Variants in NPSR1 observed in about 807,000 individuals in gnomAD.
NPSR1 encodes the protein neuropeptide S receptor 1.
In NPSR1, 48 loss-of-function variants were observed where a neutral mutation model predicts 46.9. That is an observed-to-expected ratio of 1.02 (90% CI 0.81 to 1.30). The LOEUF is 1.30. NPSR1 is among the 50% of genes most tolerant of loss of function. The pLI is 0.00. For missense variants in NPSR1, 450 were observed against 449.5 expected, an observed-to-expected ratio of 1.00 and a Z score of -0.01; for synonymous variants, 176 against 168.1, an observed-to-expected ratio of 1.05 and a Z score of -0.36.
chr7:34,709,692 A>C, intron 2 of NPSR1, among the ~76,000 whole-genome samples: 1 of 152,156 alleles, frequency 6.6e-6, no homozygotes, highest in East Asian at 1.9e-4. Flanking sequence ...GCCTAACCTC[A>C]CTATAAGACA....
chr7:34,777,427 A>G (rs1383681800), intron 2 of NPSR1, among the ~76,000 whole-genome samples: 1 of 151,182 alleles, frequency 6.6e-6, no homozygotes. Context: ...AATGCTCTCC[A>G]CACCCTGCTG....
At chr7:34,751,442 C>T in intron 2 of NPSR1, 1 of 1,095,014 alleles carries the variant, frequency 9.1e-7, no homozygotes. Context: ...TGTTTGCCAT[C>T]CAACAGTTCC....
At chr7:34,704,779 C>A (rs563342665) in intron 2 of NPSR1, among the ~76,000 whole-genome samples, 1 of 152,306 alleles carries the variant, frequency 6.6e-6, no homozygotes, top group East Asian at 1.9e-4. Context: ...AGCACAGCAT[C>A]TTATCGGATT....
chr7:34,717,660 C>G (rs1029610010), intron 2 of NPSR1, among the ~76,000 whole-genome samples: 9 of 152,110 alleles, frequency 5.9e-5, no homozygotes, highest in African/African-American at 2.2e-4. Context: ...TGTCCAAGCT[C>G]AAAATGAAGC....
intron 2 of NPSR1, among the ~76,000 whole-genome samples, chr7:34,738,204 A>G (rs1784773316): frequency 6.6e-6 from 1 of 152,244 alleles, no homozygotes; most frequent in Admixed American, 6.5e-5. Flanking sequence ...TAGTATCTTC[A>G]TAAAATCAAT....
intron 2 of NPSR1, among the ~76,000 whole-genome samples, chr7:34,755,829 A>T (rs1785807290): frequency 1.3e-5 from 2 of 152,146 alleles, no homozygotes; most frequent in South Asian, 4.1e-4. Flanking sequence ...CTGAATGCTC[A>T]TTGAGCCACC....
chr7:34,872,196 C>A (rs1424734425), intron 8 of NPSR1, among the ~76,000 whole-genome samples: 3 of 151,972 alleles, frequency 2.0e-5, no homozygotes, highest in Non-Finnish European at 4.4e-5. Flanking sequence ...TGGCTTGCAC[C>A]CTCTAGAGCT....
intron 2 of NPSR1, chr7:34,750,907 C>T (rs1407024109): frequency 1.2e-5 from 9 of 729,300 alleles, no homozygotes; most frequent in Non-Finnish European, 2.3e-5. Context: ...TGAAAAGGCA[C>T]TTCCTCCACC....
At position 34,792,665 on chromosome 7, in the gene NPSR1, T is replaced by G. The variant is rs185949362; in HGVS notation, c.384+14100T>G. ...TGTATATATATATGTATATATATAT[T>G]TATATATATGTATATATATATATGT... On this transcript the variant is annotated intron_variant, in intron 3 of 8. Coordinates refer to ENST00000360581, the MANE Select transcript of NPSR1 (RefSeq NM_207172.2). 3.3e-3 allele frequency among the ~76,000 whole-genome samples: 263 copies of G among 78,782 alleles called. 10 individuals are homozygous for G. The highest frequency in any genetic ancestry group is 0.02 in the South Asian group (59 of 2,936). The allele number at this position is 78,782 out of a possible 152,430, so 51.7% of individuals were successfully genotyped here.
At chr7:34,811,470 G>A (rs1057419467) in intron 3 of NPSR1, among the ~76,000 whole-genome samples, 3 of 152,086 alleles carry the variant, frequency 2.0e-5, no homozygotes, top group African/African-American at 4.8e-5. Context: ...TACAGGATAG[G>A]GGCATGTAGC....
At chr7:34,763,259 C>A (rs1477650619) in intron 2 of NPSR1, among the ~76,000 whole-genome samples, 1 of 152,188 alleles carries the variant, frequency 6.6e-6, no homozygotes, top group Non-Finnish European at 1.5e-5. Context: ...ACTTTTCCTT[C>A]CAGCATCTTT....
chr7:34,875,115 T>G (rs1425334509), intron 8 of NPSR1, among the ~76,000 whole-genome samples: 1 of 152,180 alleles, frequency 6.6e-6, no homozygotes, highest in Non-Finnish European at 1.5e-5. Context: ...GTAGACACTC[T>G]TTGCATATTT....
At chr7:34,679,522 G>A (rs925758712) in intron 1 of NPSR1, among the ~76,000 whole-genome samples, 8 of 152,108 alleles carry the variant, frequency 5.3e-5, no homozygotes, top group East Asian at 1.9e-4. Context: ...ATAAGTTCTC[G>A]GAAACTGTGA....
At chr7:34,707,844 A>T (rs373505230) in intron 2 of NPSR1, among the ~76,000 whole-genome samples, 1 of 151,944 alleles carries the variant, frequency 6.6e-6, no homozygotes, top group East Asian at 1.9e-4. Flanking sequence ...GGCAGCTTAA[A>T]CAACAGAAAT....
intron 2 of NPSR1, among the ~76,000 whole-genome samples, chr7:34,746,766 C>T (rs1478824570): frequency 4.6e-5 from 7 of 152,084 alleles, no homozygotes; most frequent in Non-Finnish European, 4.4e-5. Flanking sequence ...GAAAACCAGG[C>T]TACCTGGATC....
At chr7:34,770,436 C>CT (rs1003368884) in intron 2 of NPSR1, among the ~76,000 whole-genome samples, 17 of 152,102 alleles carry the variant, frequency 1.1e-4, no homozygotes, top group African/African-American at 4.1e-4. Flanking sequence ...CTTGCCAATG[C>CT]TTTTTTTGTT....
chr7:34,709,624 T>C (rs1783172770), intron 2 of NPSR1, among the ~76,000 whole-genome samples: 1 of 152,208 alleles, frequency 6.6e-6, no homozygotes, highest in Non-Finnish European at 1.5e-5. Flanking sequence ...TTCACAGCAA[T>C]TGTCACATTC....
chr7:34,738,672 A>G (rs1471634051), intron 2 of NPSR1, among the ~76,000 whole-genome samples: 1 of 151,846 alleles, frequency 6.6e-6, no homozygotes, highest in Non-Finnish European at 1.5e-5. Context: ...TGTCTTCTTC[A>G]TCTCCTTTCC....
At chr7:34,776,661 C>T (rs759397895) in intron 2 of NPSR1, among the ~76,000 whole-genome samples, 3 of 151,998 alleles carry the variant, frequency 2.0e-5, no homozygotes, top group Admixed American at 6.6e-5. Context: ...TTTTTCAATC[C>T]GTTCAGCCAC....
Sources: gnomAD v4.1 joint callset for allele counts (sites outside exome capture counted in the v4.1 genomes callset) on GRCh38, gnomAD v4.1.1 for gene constraint, MANE v1.5 for transcripts, NCBI Gene and HGNC (gene_info 2026-07-23, HGNC 2026-07-21) for gene names.